Variants in PHLPP1 observed in about 807,000 individuals in gnomAD.
PHLPP1 encodes the protein PH domain leucine-rich repeat-containing protein phosphatase 1.
A neutral mutation model predicts 117.2 loss-of-function variants in PHLPP1; 42 were observed. That is an observed-to-expected ratio of 0.36 (90% CI 0.28 to 0.46). PHLPP1 has a LOEUF of 0.46. Among genes scored for constraint, PHLPP1 ranks in the 20% least tolerant of loss-of-function variants. The probability of loss-of-function intolerance (pLI) is 1.00; values close to 1 mark genes in which losing one functional copy is unlikely to be tolerated. For missense variants in PHLPP1, 2,084 were observed against 2,241.9 expected (o/e 0.93, Z 1.42); for synonymous variants, 1,042 against 970.7 (o/e 1.07, Z -1.37).
intron 1 of PHLPP1, among the ~76,000 whole-genome samples, chr18:62,820,436 C>A (rs191456479): frequency 3.3e-5 from 5 of 152,236 alleles, no homozygotes; most frequent in Admixed American, 3.3e-4. Flanking sequence ...GCTTTGTGTC[C>A]CCACCCAAAT....
chr18:62,783,677 T>C (rs1402084877), intron 1 of PHLPP1, among the ~76,000 whole-genome samples: 1 of 108,304 alleles, frequency 9.2e-6, no homozygotes, highest in Non-Finnish European at 1.8e-5. Flanking sequence ...TCTTTTGCCC[T>C]TTTTTCTTGA....
chr18:62,787,737 C>T (rs1301293119), intron 1 of PHLPP1, among the ~76,000 whole-genome samples: 4 of 151,756 alleles, frequency 2.6e-5, no homozygotes, highest in Non-Finnish European at 2.9e-5. Context: ...CACTGGTCTA[C>T]GTAAATGTTA....
chr18:62,825,679 C>A (rs934603348), intron 1 of PHLPP1, among the ~76,000 whole-genome samples: 3 of 151,832 alleles, frequency 2.0e-5, no homozygotes, highest in Non-Finnish European at 4.4e-5. Context: ...GTCTTGAACT[C>A]CTGAGCTCAA....
chr18:62,828,623 G>A (rs187327643), intron 1 of PHLPP1, among the ~76,000 whole-genome samples: 62 of 152,276 alleles, frequency 4.1e-4, no homozygotes, highest in Non-Finnish European at 8.4e-4. Flanking sequence ...CCCAAAGTAT[G>A]TATTGGGAAC....
At chr18:62,746,126 C>T (rs1421259101) in intron 1 of PHLPP1, among the ~76,000 whole-genome samples, 1 of 152,162 alleles carries the variant, frequency 6.6e-6, no homozygotes, top group Non-Finnish European at 1.5e-5. Context: ...TCACCGCAAC[C>T]TCCCCCTCCC....
chr18:62,867,231 C>G (rs908884024), intron 4 of PHLPP1, among the ~76,000 whole-genome samples: 2 of 152,122 alleles, frequency 1.3e-5, no homozygotes, highest in Non-Finnish European at 2.9e-5. Context: ...TTTCCTTTCT[C>G]TTTCTAAATA....
intron 14 of PHLPP1, among the ~76,000 whole-genome samples, chr18:62,963,880 CAT>C (rs1910834218): frequency 6.6e-6 from 1 of 152,166 alleles, no homozygotes; most frequent in South Asian, 2.1e-4. Context: ...TAAGATCACT[CAT>C]GTTATTGACT....
At chr18:62,922,119 TG>T (rs1259437004) in intron 10 of PHLPP1, among the ~76,000 whole-genome samples, 7 of 21,958 alleles carry the variant, frequency 3.2e-4, no homozygotes, top group Non-Finnish European at 1.2e-3. Context: ...TTGGGTTTTT[TG>T]TTTGTTTGTT....
intron 1 of PHLPP1, among the ~76,000 whole-genome samples, chr18:62,723,474 T>C (rs1292910990): frequency 6.6e-6 from 1 of 152,242 alleles, no homozygotes; most frequent in Admixed American, 6.5e-5. Context: ...TAAAGGGTTT[T>C]TCTCACATTC....
chr18:62,834,408 C>G (rs1914834938), intron 2 of PHLPP1, among the ~76,000 whole-genome samples: 1 of 151,924 alleles, frequency 6.6e-6, no homozygotes, highest in South Asian at 2.1e-4. Flanking sequence ...AAGGCAGAGG[C>G]GAGAGTTTAA....
chr18:62,914,354 G>T (rs1917043420), intron 8 of PHLPP1, among the ~76,000 whole-genome samples: 1 of 152,142 alleles, frequency 6.6e-6, no homozygotes, highest in Non-Finnish European at 1.5e-5. Flanking sequence ...GACCCTTTAG[G>T]AAAGTAAATT....
At chr18:62,825,066 G>C (rs1308270647) in intron 1 of PHLPP1, among the ~76,000 whole-genome samples, 1 of 151,626 alleles carries the variant, frequency 6.6e-6, no homozygotes, top group Non-Finnish European at 1.5e-5. Flanking sequence ...TCAAGTGATT[G>C]TCCTCCCTCA....
intron 3 of PHLPP1, among the ~76,000 whole-genome samples, chr18:62,852,105 C>T (rs900254926): frequency 6.6e-6 from 1 of 151,610 alleles, no homozygotes; most frequent in African/African-American, 2.4e-5. Flanking sequence ...GCCTCAATCT[C>T]CTGGACTCAA....
intron 4 of PHLPP1, among the ~76,000 whole-genome samples, chr18:62,869,697 G>T (rs888930451): frequency 3.3e-5 from 5 of 152,126 alleles, no homozygotes; most frequent in African/African-American, 9.7e-5. Flanking sequence ...GTAATATAAG[G>T]CAGTGATTTT....
intron 1 of PHLPP1, among the ~76,000 whole-genome samples, chr18:62,814,465 G>A (rs1426166321): frequency 6.6e-6 from 1 of 152,124 alleles, no homozygotes; most frequent in Non-Finnish European, 1.5e-5. Context: ...ATGACCCTAG[G>A]CAAGTAATTT....
intron 4 of PHLPP1, among the ~76,000 whole-genome samples, chr18:62,886,406 T>C (rs764822383): frequency 6.6e-6 from 1 of 152,158 alleles, no homozygotes; most frequent in Admixed American, 6.6e-5. Context: ...ACCGAGTAGC[T>C]AGGACTACAG....
rs200109551 is a variant in PHLPP1 at position 62,979,470 on chromosome 18, G to T, written c.*39G>T. 6.5e-7 allele frequency: 1 copy of T among 1,534,764 alleles called. No individual in the cohort carries two copies. Among genetic ancestry groups the T allele is most frequent in the South Asian group, 1.2e-5 (1 of 81,444 alleles). Reference sequence around the variant, plus strand: ...TTTAACAAATAAACTAACCACAAAAGACTGAGTTGCAAGAGTCTCCCAGGC... The same window carrying T: ...TTTAACAAATAAACTAACCACAAAATACTGAGTTGCAAGAGTCTCCCAGGC... On this transcript the variant is annotated 3_prime_UTR_variant, in exon 17 of 17. Coordinates refer to ENST00000262719, the MANE Select transcript of PHLPP1 (RefSeq NM_194449.4).
chr18:62,875,461 G>A (rs1442604172), intron 4 of PHLPP1, among the ~76,000 whole-genome samples: 3 of 152,006 alleles, frequency 2.0e-5, no homozygotes, highest in African/African-American at 4.8e-5. Context: ...CATGGGAATA[G>A]CAGTATGGCC....
intron 1 of PHLPP1, among the ~76,000 whole-genome samples, chr18:62,742,430 C>T (rs1046951892): frequency 6.6e-6 from 1 of 151,998 alleles, no homozygotes; most frequent in African/African-American, 2.4e-5. Context: ...TTTTTACTGG[C>T]TTCATGTAAT....
Sources: gnomAD v4.1 joint callset for allele counts (sites outside exome capture counted in the v4.1 genomes callset) on GRCh38, gnomAD v4.1.1 for gene constraint, MANE v1.5 for transcripts, NCBI Gene and HGNC (gene_info 2026-07-23, HGNC 2026-07-21) for gene names.